Variants in LIG1 observed in about 807,000 individuals in gnomAD.
LIG1 encodes the protein ligase I, DNA, ATP-dependent.
Under a neutral mutation model 115.7 loss-of-function variants are expected in LIG1, and 70 were observed. The observed-to-expected ratio is 0.60, with a 90% CI of 0.50 to 0.74. The LOEUF (loss-of-function observed/expected upper bound fraction) is 0.74, where lower values mean the gene tolerates loss of function less well. LIG1 is among the 30% of genes least tolerant of loss of function. The pLI is 0.00. For synonymous variants in LIG1, 487 were observed against 495.3 expected, an observed-to-expected ratio of 0.98 and a Z score of 0.22; for missense variants, 1,115 against 1,225.6, an observed-to-expected ratio of 0.91 and a Z score of 1.35.
At chr19:48,142,935 C>T (rs754065162) in intron 11 of LIG1, among the ~76,000 whole-genome samples, 3 of 152,172 alleles carry the variant, frequency 2.0e-5, no homozygotes, top group African/African-American at 7.2e-5. Flanking sequence ...AGCCACTGCA[C>T]CCAGCCTCCA....
chr19:48,165,719 AACAG>A, intron 1 of LIG1, 96 bp from the exon 2 acceptor site: 8 of 971,938 alleles, frequency 8.2e-6, no homozygotes, highest in African/African-American at 1.6e-5. Flanking sequence ...GAAAAAAAAA[AACAG>A]AAACATGAAT....
chr19:48,136,909 G>A, intron 14 of LIG1, 99 bp downstream of exon 14: 1 of 953,316 alleles, frequency 1.0e-6, no homozygotes, highest in Non-Finnish European at 1.7e-6. Context: ...ATCCAAGGAT[G>A]GTCAGGGCAT....
At position 48,116,447 on chromosome 19, in the gene LIG1, C is replaced by CAA. The variant is rs57648628; in HGVS notation, c.2584-484_2584-483dup. ...TGGGTGACAGAGCGAGACTCCAACT[C>CAA]AAAAAAAAAAAAAAAAAAATGCCAC... On this transcript the variant is annotated intron_variant, in intron 26 of 27. Transcript: ENST00000263274. Among the ~76,000 whole-genome samples, 862 of 98,114 alleles carry CAA rather than the reference C, an allele frequency of 8.8e-3. 25 individuals carry two copies. Among genetic ancestry groups the CAA allele is most frequent in the Middle Eastern group, 0.026 (5 of 196 alleles). 64.4% of individuals were successfully genotyped at this position (98,114 alleles called of 152,430 possible).
chr19:48,144,038 T>A, intron 9 of LIG1, 75 bp from the exon 10 acceptor site: 2 of 1,194,814 alleles, frequency 1.7e-6, no homozygotes, highest in Non-Finnish European at 2.5e-6. Flanking sequence ...AACTGTGATG[T>A]GCCAGGCTCT....
At chr19:48,141,047 A>G (rs551338214) in intron 11 of LIG1, among the ~76,000 whole-genome samples, 1 of 152,362 alleles carries the variant, frequency 6.6e-6, no homozygotes, top group South Asian at 2.1e-4. Context: ...ACTTGGTGTG[A>G]CGGTAACAAT....
At chr19:48,150,354 C>A in intron 7 of LIG1, 144 bp from the exon 8 acceptor site, 1 of 1,290,656 alleles carries the variant, frequency 7.7e-7, no homozygotes. Flanking sequence ...TAGCTTTGAG[C>A]TGAGATCTCA....
chr19:48,129,597 A>G (rs945482138), intron 19 of LIG1, among the ~76,000 whole-genome samples: 1 of 152,198 alleles, frequency 6.6e-6, no homozygotes, highest in African/African-American at 2.4e-5. Context: ...GCCAGATGCA[A>G]GAGACTAGTG....
chr19:48,162,138 G>A, intron 3 of LIG1, 124 bp downstream of exon 3: 1 of 832,798 alleles, frequency 1.2e-6, no homozygotes, highest in Admixed American at 1.8e-5. Flanking sequence ...TTGGACTTCT[G>A]GCCACCTGGC....
At chr19:48,155,846 C>T (rs922895202) in intron 5 of LIG1, among the ~76,000 whole-genome samples, 1 of 152,130 alleles carries the variant, frequency 6.6e-6, no homozygotes, top group African/African-American at 2.4e-5. Flanking sequence ...CAAAGCTGTT[C>T]CAAAATGATG....
At chr19:48,125,425 T>C (rs1053438341) in intron 21 of LIG1, among the ~76,000 whole-genome samples, 1 of 152,112 alleles carries the variant, frequency 6.6e-6, no homozygotes, top group Non-Finnish European at 1.5e-5. Flanking sequence ...AATTGGGGGT[T>C]TGAGCATCAA....
intron 22 of LIG1, 41 bp downstream of exon 22, chr19:48,123,133 G>A (rs575836346): frequency 1.2e-5 from 20 of 1,613,078 alleles, no homozygotes; most frequent in South Asian, 8.8e-5. Flanking sequence ...CGGGGTCAGC[G>A]CAAGCTGCAG....
chr19:48,152,520 T>C (rs1469195306), intron 6 of LIG1, among the ~76,000 whole-genome samples: 1 of 152,134 alleles, frequency 6.6e-6, no homozygotes, highest in African/African-American at 2.4e-5. Flanking sequence ...AAGGCTGCAA[T>C]TGGTGTAATC....
At chr19:48,126,683 A>G (rs1011755174) in intron 21 of LIG1, among the ~76,000 whole-genome samples, 1 of 151,880 alleles carries the variant, frequency 6.6e-6, no homozygotes, top group Admixed American at 6.6e-5. Flanking sequence ...AGTTACACCT[A>G]TTAGAAATTT....
chr19:48,146,734 A>G (rs1418479556), intron 9 of LIG1, among the ~76,000 whole-genome samples: 1 of 152,246 alleles, frequency 6.6e-6, no homozygotes, highest in Non-Finnish European at 1.5e-5. Flanking sequence ...AGAACTTTAT[A>G]TACAGTAGGA....
At chr19:48,141,678 G>A (rs1294414364) in intron 11 of LIG1, among the ~76,000 whole-genome samples, 1 of 152,138 alleles carries the variant, frequency 6.6e-6, no homozygotes, top group Non-Finnish European at 1.5e-5. Context: ...CTTCAAAGCT[G>A]GAAAGAATGG....
intron 22 of LIG1, 78 bp from the exon 23 acceptor site, chr19:48,123,094 G>T: frequency 6.2e-7 from 1 of 1,611,152 alleles, no homozygotes; most frequent in Non-Finnish European, 8.5e-7. Flanking sequence ...CTGGTCAAAC[G>T]GTCCAGGACT....
At chr19:48,140,690 C>T (rs1375877693) in intron 11 of LIG1, among the ~76,000 whole-genome samples, 2 of 152,150 alleles carry the variant, frequency 1.3e-5, no homozygotes, top group African/African-American at 4.8e-5. Flanking sequence ...ACCCTGCACT[C>T]AGTCTGACGC....
At chr19:48,127,097 G>A (rs574820573) in intron 21 of LIG1, 180 bp downstream of exon 21, 154 of 622,346 alleles carry the variant, frequency 2.5e-4, no homozygotes, top group Non-Finnish European at 4.0e-4. Flanking sequence ...AGATGTCCTT[G>A]AAAGAATCTT....
intron 21 of LIG1, 47 bp downstream of exon 21, chr19:48,127,230 C>G: frequency 6.6e-7 from 1 of 1,504,406 alleles, no homozygotes; most frequent in Non-Finnish European, 9.3e-7. Flanking sequence ...GCTCACACCC[C>G]ACCCCGTCAC....
Sources: allele counts gnomAD v4.1 joint callset (sites outside exome capture counted in the v4.1 genomes callset), GRCh38; gene constraint gnomAD v4.1.1; transcripts MANE v1.5; gene names NCBI Gene and HGNC (gene_info 2026-07-23, HGNC 2026-07-21).